ASTN2: variants seen among roughly 807,000 people sequenced by gnomAD.
The protein encoded by ASTN2 is astrotactin 2.
Under a neutral mutation model 139.8 loss-of-function variants are expected in ASTN2, and 54 were observed. That is an observed-to-expected ratio of 0.39 (90% CI 0.31 to 0.48). ASTN2 has a LOEUF of 0.48. Ranked by LOEUF, ASTN2 falls within the 20% of genes least tolerant of loss-of-function variation. The probability of loss-of-function intolerance (pLI) is 0.95; values close to 1 mark genes in which losing one functional copy is unlikely to be tolerated. For synonymous variants in ASTN2, 756 were observed against 719.5 expected (o/e 1.05, Z -0.81); for missense variants, 1,565 against 1,725.1 (o/e 0.91, Z 1.64).
Position 116,646,120 on chromosome 9 carries a change from G to A in ASTN2, c.3072+5408C>T, listed in dbSNP as rs527370973. On this transcript the variant is annotated intron_variant, in intron 17 of 22. Transcript: ENST00000313400. ...CACCATTCAGCATCACATAGTGAAT[G>A]GGGATTGAGGAAACATCCAAACCCA... Among the ~76,000 whole-genome samples the A allele has an allele frequency of 2.0e-4, 30 of 152,284 alleles. No homozygotes were observed. The South Asian group carries it at 5.4e-3, about 27-fold the overall frequency.
intron 6 of ASTN2, among the ~76,000 whole-genome samples, chr9:117,023,070 G>A (rs1837936331): frequency 6.6e-6 from 1 of 152,132 alleles, no homozygotes; most frequent in African/African-American, 2.4e-5. Context: ...GACTAAAGCT[G>A]TGGCATTGAA....
intron 1 of ASTN2, among the ~76,000 whole-genome samples, chr9:117,313,006 C>T (rs550864587): frequency 1.5e-4 from 23 of 152,314 alleles, no homozygotes; most frequent in African/African-American, 3.4e-4. Context: ...TTTATTTACA[C>T]GGCTTCACTT....
At chr9:117,334,353 G>A (rs1393439721) in intron 1 of ASTN2, among the ~76,000 whole-genome samples, 1 of 152,076 alleles carries the variant, frequency 6.6e-6, no homozygotes, top group Non-Finnish European at 1.5e-5. Context: ...TTCAGGTGCA[G>A]GCTTACCTTC....
At chr9:117,017,003 C>T (rs1837732891) in intron 6 of ASTN2, among the ~76,000 whole-genome samples, 1 of 151,676 alleles carries the variant, frequency 6.6e-6, no homozygotes, top group East Asian at 2.0e-4. Flanking sequence ...TTCTGCATGC[C>T]TTTATGTATC....
At chr9:117,378,600 G>A (rs1172180122) in intron 1 of ASTN2, among the ~76,000 whole-genome samples, 2 of 152,144 alleles carry the variant, frequency 1.3e-5, no homozygotes, top group African/African-American at 4.8e-5. Flanking sequence ...GAAAAGGTGG[G>A]AGAAAACCAG....
At chr9:117,381,612 A>G (rs56267252) in intron 1 of ASTN2, among the ~76,000 whole-genome samples, 27,434 of 152,036 alleles carry the variant, frequency 0.18, 2,881 homozygotes, top group East Asian at 0.42. Flanking sequence ...ACCATGAGCA[A>G]AAGCTCCCTG....
At chr9:116,523,360 C>T (rs1255419264) in intron 19 of ASTN2, among the ~76,000 whole-genome samples, 2 of 152,110 alleles carry the variant, frequency 1.3e-5, no homozygotes, top group African/African-American at 4.8e-5. Context: ...AAAGGAAAGA[C>T]AGTAAGAAAA....
intron 22 of ASTN2, among the ~76,000 whole-genome samples, chr9:116,437,023 C>A (rs1002924382): frequency 1.4e-5 from 2 of 140,718 alleles, no homozygotes; most frequent in African/African-American, 5.4e-5. Flanking sequence ...AACACACGGA[C>A]ACAGGAAGGG....
At chr9:116,847,022 AAAAACAAAAAAC>A in intron 11 of ASTN2, among the ~76,000 whole-genome samples, 1 of 120,702 alleles carries the variant, frequency 8.3e-6, no homozygotes, top group East Asian at 2.6e-4. Context: ...AAAAAAAAAA[AAAAACAAAAAAC>A]AAAAAACAAA....
chr9:117,172,702 C>T (rs566482444), intron 3 of ASTN2, among the ~76,000 whole-genome samples: 5 of 152,144 alleles, frequency 3.3e-5, no homozygotes, highest in Admixed American at 6.6e-5. Context: ...TTTTCTCTCA[C>T]GAATGGGAAA....
chr9:117,144,357 C>T (rs1337128103), intron 3 of ASTN2, among the ~76,000 whole-genome samples: 2 of 152,176 alleles, frequency 1.3e-5, no homozygotes, highest in Admixed American at 6.5e-5. Context: ...AAATCTGAAA[C>T]ATTTTGAGCA....
chr9:116,594,539 G>A (rs1854492002), intron 19 of ASTN2, among the ~76,000 whole-genome samples: 1 of 152,158 alleles, frequency 6.6e-6, no homozygotes, highest in Admixed American at 6.5e-5. Flanking sequence ...AGTAGGTGAG[G>A]AACATCAGAA....
At chr9:116,446,675 C>A (rs531711084) in intron 20 of ASTN2, among the ~76,000 whole-genome samples, 1 of 152,284 alleles carries the variant, frequency 6.6e-6, no homozygotes, top group East Asian at 1.9e-4. Flanking sequence ...ATACAGGAAC[C>A]TGGAGCTCCA....
intron 10 of ASTN2, among the ~76,000 whole-genome samples, chr9:116,917,469 A>C (rs149142288): frequency 1.4e-3 from 212 of 152,328 alleles, no homozygotes; most frequent in African/African-American, 4.3e-3. Context: ...TGAATAAACA[A>C]ATGCGTTAAA....
At chr9:116,551,606 A>G (rs974310932) in intron 19 of ASTN2, among the ~76,000 whole-genome samples, 7 of 152,130 alleles carry the variant, frequency 4.6e-5, no homozygotes, top group Admixed American at 2.0e-4. Context: ...CAACATTCAG[A>G]GTCAGTGGTC....
intron 5 of ASTN2, among the ~76,000 whole-genome samples, chr9:117,071,877 C>G (rs561761969): frequency 2.6e-5 from 4 of 152,074 alleles, no homozygotes; most frequent in African/African-American, 4.8e-5. Context: ...GCTCGCGCAC[C>G]GTGCGCGCAC....
chr9:117,206,699 C>G (rs1252394546), intron 3 of ASTN2, among the ~76,000 whole-genome samples: 2 of 152,134 alleles, frequency 1.3e-5, no homozygotes, highest in Non-Finnish European at 2.9e-5. Flanking sequence ...AGAAACCAAC[C>G]CCCACTACCC....
chr9:116,814,897 C>G (rs16933900), intron 12 of ASTN2, among the ~76,000 whole-genome samples: 1 of 152,130 alleles, frequency 6.6e-6, no homozygotes, highest in Non-Finnish European at 1.5e-5. Flanking sequence ...CATCAATTGT[C>G]GGTGAGCATT....
chr9:116,926,408 T>G (rs1326562332), intron 10 of ASTN2, among the ~76,000 whole-genome samples: 1 of 152,224 alleles, frequency 6.6e-6, no homozygotes, highest in Non-Finnish European at 1.5e-5. Flanking sequence ...CTTGCCAGCT[T>G]CATCTGCTCT....
Sources: allele counts gnomAD v4.1 joint callset (sites outside exome capture counted in the v4.1 genomes callset), GRCh38; gene constraint gnomAD v4.1.1; transcripts MANE v1.5; gene names NCBI Gene and HGNC (gene_info 2026-07-23, HGNC 2026-07-21).